GLCE: variants seen among roughly 807,000 people sequenced by gnomAD.
GLCE encodes D-glucuronyl C5-epimerase.
Under a neutral mutation model 47.9 loss-of-function variants are expected in GLCE, and 19 were observed. The ratio of observed to expected loss-of-function variants is 0.40; its 90% confidence interval spans 0.28 to 0.58. The LOEUF (loss-of-function observed/expected upper bound fraction) is 0.58. Ranked by LOEUF, GLCE falls within the 20% of genes least tolerant of loss-of-function variation. The probability of loss-of-function intolerance (pLI) is 0.48; values close to 1 mark genes in which losing one functional copy is unlikely to be tolerated. For missense variants in GLCE, 556 were observed against 743.3 expected (o/e 0.75, Z 2.93); for synonymous variants, 245 against 263.4 (o/e 0.93, Z 0.68).
In GLCE at chr15:69,166,336, GT is replaced by G. The variant is rs2051500932; in HGVS notation, c.-105+5583del. On this transcript the variant is annotated intron_variant, in intron 1 of 4. Coordinates refer to ENST00000261858, the MANE Select transcript of GLCE (RefSeq NM_015554.3). ...TCTATGCTTTTTCTAATACTACACT[GT>G]TTTCTGAATATGACTGCTTATTCAG... Among the ~76,000 whole-genome samples, 3 of 152,220 alleles carry G rather than the reference GT, an allele frequency of 2.0e-5. No homozygotes were observed. In the South Asian group the frequency reaches 6.2e-4, roughly 32 times the overall value.
At chr15:69,229,274 A>T (rs1367383690) in intron 2 of GLCE, among the ~76,000 whole-genome samples, 1 of 152,274 alleles carries the variant, frequency 6.6e-6, no homozygotes, top group Non-Finnish European at 1.5e-5. Flanking sequence ...TAAAATGAGT[A>T]TGGCCACAAA....
chr15:69,185,346 C>G (rs376268068), intron 1 of GLCE, among the ~76,000 whole-genome samples: 1 of 152,282 alleles, frequency 6.6e-6, no homozygotes. Context: ...CCTCTTTCAA[C>G]CTCCAGTAAT....
At chr15:69,250,726 G>A (rs1459016630) in intron 2 of GLCE, among the ~76,000 whole-genome samples, 1 of 148,980 alleles carries the variant, frequency 6.7e-6, no homozygotes, top group Non-Finnish European at 1.5e-5. Context: ...GCACCCTATA[G>A]CCCAGAACTC....
chr15:69,219,416 G>A (rs1250412049), intron 2 of GLCE, among the ~76,000 whole-genome samples: 1 of 151,890 alleles, frequency 6.6e-6, no homozygotes, highest in Non-Finnish European at 1.5e-5. Flanking sequence ...AACATCCTAG[G>A]GTAAAGTATG....
intron 1 of GLCE, among the ~76,000 whole-genome samples, chr15:69,210,104 G>T (rs7167499): frequency 0.51 from 77,274 of 151,952 alleles, 23,198 homozygotes; most frequent in Non-Finnish European, 0.65. Flanking sequence ...AAAGCAGAGG[G>T]GGAAATAAAT....
intron 1 of GLCE, among the ~76,000 whole-genome samples, chr15:69,204,682 G>A (rs2052125650): frequency 6.6e-6 from 1 of 152,090 alleles, no homozygotes; most frequent in African/African-American, 2.4e-5. Context: ...TCTACTGACT[G>A]TAAATCAGTA....
At chr15:69,198,973 C>T (rs753509554) in intron 1 of GLCE, among the ~76,000 whole-genome samples, 48 of 152,072 alleles carry the variant, frequency 3.2e-4, no homozygotes, top group Admixed American at 1.6e-3. Flanking sequence ...GTCCGCCACC[C>T]GGTCCCCAAA....
chr15:69,204,415 T>C (rs986655579), intron 1 of GLCE, among the ~76,000 whole-genome samples: 1 of 151,582 alleles, frequency 6.6e-6, no homozygotes, highest in Non-Finnish European at 1.5e-5. Flanking sequence ...CCCGAGTAGC[T>C]GGGATTACAG....
intron 1 of GLCE, among the ~76,000 whole-genome samples, chr15:69,162,199 TAACAGTTTCATTGTATTGTAA>T (rs2051434627): frequency 6.6e-6 from 1 of 152,186 alleles, no homozygotes; most frequent in Non-Finnish European, 1.5e-5. Flanking sequence ...GAATTCTGCT[TAACAGTTTCATTGTATTGTAA>T]AAGTGTATTT....
intron 2 of GLCE, among the ~76,000 whole-genome samples, chr15:69,230,212 T>TA (rs34749707): frequency 4.1e-4 from 56 of 138,134 alleles, no homozygotes; most frequent in East Asian, 1.2e-3. Context: ...CATCTCGATT[T>TA]AAAAAAAAAA....
chr15:69,233,120 A>G (rs773877653), intron 2 of GLCE, among the ~76,000 whole-genome samples: 22 of 152,202 alleles, frequency 1.4e-4, no homozygotes, highest in Non-Finnish European at 1.8e-4. Context: ...GAAAGAGGGC[A>G]TACTGGCTTA....
Position 69,268,528 on chromosome 15 carries a change from G to T in GLCE, c.1138G>T (p.Val380Leu). ...VKPTKIMPKKVVRLIAKGKGF... is the reference protein window; with the variant it reads ...VKPTKIMPKKLVRLIAKGKGF... The stretch of plus-strand genomic sequence containing the variant: ...GCCAACCAAAATAATGCCCAAGAAG[G>T]TGGTTAGGTTGATTGCAAAAGGTAA... Residue 380 changes from valine (V) to leucine (L), a missense_variant, in exon 5 of 5, where the codon GTG (valine) becomes TTG (leucine). Physicochemically the swap from Val to Leu is conservative, Grantham distance 32 (BLOSUM62 1). This residue lies in a region of GLCE where 245 missense variants were observed against 368.1 expected (regional missense o/e 0.67). Transcript: ENST00000261858. The T allele has an allele frequency of 6.2e-7, 1 of 1,614,192 alleles. No homozygotes were observed. The highest frequency in any genetic ancestry group is 8.5e-7 in the Non-Finnish European group (1 of 1,180,036).
intron 1 of GLCE, among the ~76,000 whole-genome samples, chr15:69,176,167 G>C (rs1365485693): frequency 7.0e-6 from 1 of 143,590 alleles, no homozygotes; most frequent in Admixed American, 7.1e-5. Flanking sequence ...ACATATTAAA[G>C]TCTAAAAGGA....
intron 2 of GLCE, among the ~76,000 whole-genome samples, chr15:69,215,995 T>C (rs1007438691): frequency 2.0e-5 from 3 of 152,208 alleles, no homozygotes; most frequent in Admixed American, 2.0e-4. Context: ...ACTATTTAGC[T>C]ATGCTTTATA....
chr15:69,166,936 C>T (rs1182407655), intron 1 of GLCE, among the ~76,000 whole-genome samples: 2 of 138,652 alleles, frequency 1.4e-5, no homozygotes, highest in African/African-American at 5.4e-5. Context: ...AAAAAAAAGG[C>T]CGGGTGCGAT....
At position 69,256,151 on chromosome 15, in the gene GLCE, C is replaced by T. The variant is rs1386763491; in HGVS notation, c.345C>T (p.His115=). The change falls in exon 3 of 5, where the codon CAC becomes CAT. Residue 115 remains histidine (H), a synonymous_variant. Transcript: ENST00000261858. ...TTGACTGTCTCATAAATGATGAACA[C>T]ACAATTAAAGGGAGACGAGAGGGGA... ...EEIDCLINDE[H]TIKGRREGNE... is the part of the protein sequence containing the mutation. The T allele has an allele frequency of 1.2e-6, 2 of 1,613,644 alleles. No homozygotes were observed. Among genetic ancestry groups the T allele is most frequent in the African/African-American group, 1.3e-5 (1 of 74,866 alleles).
At chr15:69,255,693 CA>C in intron 2 of GLCE, 100 bp from the exon 3 acceptor site, 2 of 675,142 alleles carry the variant, frequency 3.0e-6, no homozygotes, top group Non-Finnish European at 4.9e-6. Context: ...TGTCCTAATA[CA>C]GTTGTTCAAC....
intron 1 of GLCE, among the ~76,000 whole-genome samples, chr15:69,164,609 G>A (rs193158164): frequency 2.1e-3 from 321 of 151,682 alleles, no homozygotes; most frequent in African/African-American, 7.4e-3. Flanking sequence ...TTTTTGTGTT[G>A]CAAGTCTGAA....
At chr15:69,223,647 C>T (rs1566960808) in intron 2 of GLCE, among the ~76,000 whole-genome samples, 1 of 152,164 alleles carries the variant, frequency 6.6e-6, no homozygotes, top group Non-Finnish European at 1.5e-5. Flanking sequence ...CATCATTATT[C>T]ATGTGATCTC....
Sources: allele counts gnomAD v4.1 joint callset (sites outside exome capture counted in the v4.1 genomes callset), GRCh38; gene constraint gnomAD v4.1.1; regional missense constraint gnomAD v4.1.1; transcripts MANE v1.5; gene names NCBI Gene and HGNC (gene_info 2026-07-23, HGNC 2026-07-21).